The following WASHC3 variants were observed in gnomAD, a reference collection of about 807,000 sequenced individuals.
WASHC3 encodes WASH complex subunit 3.
WASHC3 carries 24 observed loss-of-function variants against 26.1 expected under a neutral mutation model. That is an observed-to-expected ratio of 0.92 (90% CI 0.66 to 1.29). The LOEUF (loss-of-function observed/expected upper bound fraction) is 1.29. Ranked by LOEUF, WASHC3 falls within the 50% of genes most tolerant of loss-of-function variation. The probability of loss-of-function intolerance (pLI) is 0.00; values close to 1 mark genes in which losing one functional copy is unlikely to be tolerated. For missense variants in WASHC3, 214 were observed against 229.6 expected (o/e 0.93, Z 0.44); for synonymous variants, 77 against 75.7 (o/e 1.02, Z -0.09).
At position 102,036,249 on chromosome 12, in the gene WASHC3, C is replaced by T. The variant is rs1009340865; in HGVS notation, c.435+3619G>A. Among the ~76,000 whole-genome samples, 3 of 151,854 alleles carry T rather than the reference C, an allele frequency of 2.0e-5. No individual in the cohort carries two copies. In the East Asian group the frequency reaches 5.8e-4, roughly 30 times the overall value. On this transcript the variant is annotated intron_variant, in intron 5 of 6. Coordinates refer to ENST00000240079, the MANE Select transcript of WASHC3 (RefSeq NM_016053.4). Reference sequence around the variant, plus strand: ...GTGGCGGGCACCACCTTAATCCCAGCTACTCAGGAGGCTGAGGCAGGAGAA... The same window carrying T: ...GTGGCGGGCACCACCTTAATCCCAGTTACTCAGGAGGCTGAGGCAGGAGAA...
At chr12:102,034,335 A>C (rs1877561890) in intron 5 of WASHC3, among the ~76,000 whole-genome samples, 1 of 152,176 alleles carries the variant, frequency 6.6e-6, no homozygotes, top group East Asian at 1.9e-4. Context: ...TGAATGGTTC[A>C]ATGGTACAAA....
At chr12:102,018,813 CTTATTTAT>C (rs112741805) in intron 6 of WASHC3, among the ~76,000 whole-genome samples, 3 of 150,696 alleles carry the variant, frequency 2.0e-5, no homozygotes, top group Non-Finnish European at 4.4e-5. Context: ...GAGATGAAGT[CTTATTTAT>C]TTATTTATTT....
intron 4 of WASHC3, among the ~76,000 whole-genome samples, chr12:102,042,701 A>C (rs2136670963): frequency 6.6e-6 from 1 of 152,300 alleles, no homozygotes; most frequent in Non-Finnish European, 1.5e-5. Flanking sequence ...AGCACTCTTG[A>C]AGTGTTAGCT....
chr12:102,024,095 A>G (rs1032364213), intron 6 of WASHC3, among the ~76,000 whole-genome samples: 1 of 152,230 alleles, frequency 6.6e-6, no homozygotes, highest in Non-Finnish European at 1.5e-5. Context: ...AAAAGGGAAT[A>G]GGAAAATGTT....
intron 2 of WASHC3, among the ~76,000 whole-genome samples, chr12:102,049,492 A>G (rs182607095): frequency 6.6e-6 from 1 of 152,288 alleles, no homozygotes; most frequent in Admixed American, 6.5e-5. Context: ...AGTCCCTGAT[A>G]TTTGTCAGAT....
At chr12:102,014,513 C>T (rs899572008) in intron 6 of WASHC3, among the ~76,000 whole-genome samples, 6 of 152,122 alleles carry the variant, frequency 3.9e-5, no homozygotes, top group African/African-American at 9.7e-5. Context: ...AGAAAATGCA[C>T]AGTCTAACAG....
intron 2 of WASHC3, among the ~76,000 whole-genome samples, chr12:102,055,535 A>T (rs1204692213): frequency 1.3e-5 from 2 of 152,166 alleles, no homozygotes; most frequent in African/African-American, 4.8e-5. Flanking sequence ...TAGTAGAGAC[A>T]GCATTCCACC....
intron 2 of WASHC3, chr12:102,050,453 AACACACACACACACACACACACAC>A (rs58251617): frequency 9.0e-6 from 3 of 333,900 alleles, no homozygotes; most frequent in South Asian, 4.3e-5. Context: ...TGCCATCTCT[AACACACACACACACACACACACAC>A]ACACACACAC....
At position 102,039,871 on chromosome 12, in the gene WASHC3, T is replaced by C. The variant is rs1466661558; in HGVS notation, c.432A>G (p.Gln144=). 3.3e-6 allele frequency: 5 copies of C among 1,505,662 alleles called. No homozygotes were observed. Among genetic ancestry groups the C allele is most frequent in the Non-Finnish European group, 4.6e-6 (5 of 1,081,940 alleles). 93.3% of individuals were successfully genotyped at this position (1,505,662 alleles called of 1,614,324 possible). A position where few individuals can be genotyped will look rare whatever the true frequency, so the allele number is the denominator to read the frequency against. The change falls in exon 5 of 7, where the codon CAA becomes CAG. Residue 144 remains glutamine (Q), a synonymous_variant. Coordinates refer to ENST00000240079, the MANE Select transcript of WASHC3 (RefSeq NM_016053.4). The part of the protein sequence containing the change: ...PRYARYLKMV[Q]VGVPVMAIRN... ...AAGACAGACCAAGTTAGCTTACCAC[T>C]TGAACCATTTTGAGATATCTGGCAT...
At chr12:102,036,899 C>T (rs765378692) in intron 5 of WASHC3, among the ~76,000 whole-genome samples, 1 of 152,030 alleles carries the variant, frequency 6.6e-6, no homozygotes, top group East Asian at 1.9e-4. Flanking sequence ...GAGTTAAGTG[C>T]TAAGTACTGC....
At chr12:102,053,567 A>G (rs1179946578) in intron 2 of WASHC3, among the ~76,000 whole-genome samples, 1 of 152,242 alleles carries the variant, frequency 6.6e-6, no homozygotes, top group Admixed American at 6.5e-5. Flanking sequence ...TCAGAGAAAC[A>G]CGTCACTACT....
chr12:102,050,245 A>G, intron 2 of WASHC3: 1 of 451,732 alleles, frequency 2.2e-6, no homozygotes, highest in Non-Finnish European at 4.4e-6. Flanking sequence ...CAGTGAGCTA[A>G]GTTCACTCCA....
chr12:102,047,238 G>C (rs1878203519), intron 2 of WASHC3, among the ~76,000 whole-genome samples: 1 of 152,084 alleles, frequency 6.6e-6, no homozygotes, highest in African/African-American at 2.4e-5. Context: ...CAGATACACA[G>C]CATCCTGATT....
intron 5 of WASHC3, among the ~76,000 whole-genome samples, chr12:102,034,676 C>T (rs1877576705): frequency 6.6e-6 from 1 of 151,542 alleles, no homozygotes; most frequent in African/African-American, 2.4e-5. Context: ...TAAGACTAGA[C>T]CTACGAATAA....
chr12:102,028,929 C>T (rs1476257872), intron 5 of WASHC3, among the ~76,000 whole-genome samples: 5 of 152,056 alleles, frequency 3.3e-5, no homozygotes, highest in African/African-American at 1.2e-4. Context: ...AGCACAGATA[C>T]ACATACAATT....
chr12:102,020,154 A>G (rs1349779568), intron 6 of WASHC3, among the ~76,000 whole-genome samples: 5 of 152,090 alleles, frequency 3.3e-5, no homozygotes, highest in Admixed American at 6.6e-5. Context: ...AGAAGAGGGA[A>G]CTCTCTCTCT....
rs553788585 is a variant in WASHC3 at position 102,023,055 on chromosome 12, AAAAC to A, written c.500+2915_500+2918del. 1.1e-3 allele frequency among the ~76,000 whole-genome samples: 170 copies of A among 152,268 alleles called. 2 individuals are homozygous for A. Among genetic ancestry groups the A allele is most frequent in the South Asian group, 7.5e-3 (36 of 4,822 alleles). ...TTATTTTCAAAAACTTGAATTTTTA[AAAAC>A]AAACAATCACTTAGAAGAATCAAAT... On this transcript the variant is annotated intron_variant, in intron 6 of 6. Transcript: ENST00000240079.
At chr12:102,019,298 C>T (rs568557785) in intron 6 of WASHC3, 74 of 296,242 alleles carry the variant, frequency 2.5e-4, no homozygotes, top group African/African-American at 8.3e-4. Context: ...CATTTCCAGG[C>T]GGGATATTCA....
chr12:102,055,221 C>A (rs1041621393), intron 2 of WASHC3, among the ~76,000 whole-genome samples: 3 of 152,154 alleles, frequency 2.0e-5, no homozygotes, highest in South Asian at 4.1e-4. Flanking sequence ...ACAACTGATA[C>A]CACAGAAATA....
Sources: allele counts gnomAD v4.1 joint callset (sites outside exome capture counted in the v4.1 genomes callset), GRCh38; gene constraint gnomAD v4.1.1; transcripts MANE v1.5; gene names NCBI Gene and HGNC (gene_info 2026-07-23, HGNC 2026-07-21).